ELAC2: variants seen among roughly 807,000 people sequenced by gnomAD.
ELAC2 encodes the protein elaC ribonuclease Z 2, also known as zinc phosphodiesterase ELAC protein 2.
A neutral mutation model predicts 105.2 loss-of-function variants in ELAC2; 92 were observed. The observed-to-expected ratio is 0.87, with a 90% CI of 0.74 to 1.04. The LOEUF is 1.04. Ranked by LOEUF, ELAC2 falls within the 50% of genes least tolerant of loss-of-function variation. ELAC2 has a pLI of 0.00. For synonymous variants in ELAC2, 468 were observed against 409.1 expected, an observed-to-expected ratio of 1.14 and a Z score of -1.74; for missense variants, 1,099 against 1,071.7, an observed-to-expected ratio of 1.03 and a Z score of -0.36.
Position 12,995,980 on chromosome 17 carries a change from TG to T in ELAC2, c.1660-3del. The T allele has an allele frequency of 6.3e-7, 1 of 1,594,116 alleles. No homozygotes were observed. The highest frequency in any genetic ancestry group is 1.3e-5 in the African/African-American group (1 of 74,644). On this transcript the variant is annotated splice_polypyrimidine_tract_variant and splice_region_variant and intron_variant, in intron 17 of 23. Coordinates refer to ENST00000338034, the MANE Select transcript of ELAC2 (RefSeq NM_018127.7). ...CTGCAGCAAGATACTTGGCAAGCCC[TG>T]GCAAGGAAACAGGAGACATGCGTCA...
At chr17:13,006,666 G>A (rs1055219182) in intron 8 of ELAC2, 15 of 153,212 alleles carry the variant, frequency 9.8e-5, no homozygotes, top group African/African-American at 3.4e-4. Flanking sequence ...TCACCAGAGC[G>A]TTGCCTAACA....
chr17:13,012,824 T>C (rs1486575509), intron 6 of ELAC2, among the ~76,000 whole-genome samples: 1 of 152,170 alleles, frequency 6.6e-6, no homozygotes, highest in Non-Finnish European at 1.5e-5. Flanking sequence ...AACACTTCTT[T>C]TAGGTTGCTG....
At chr17:13,011,330 T>C (rs2041399627) in intron 7 of ELAC2, among the ~76,000 whole-genome samples, 1 of 152,228 alleles carries the variant, frequency 6.6e-6, no homozygotes, top group Non-Finnish European at 1.5e-5. Context: ...TCCACATTAA[T>C]GGAAAATTTG....
chr17:13,002,143 A>G, intron 14 of ELAC2, 131 bp downstream of exon 14: 1 of 958,332 alleles, frequency 1.0e-6, no homozygotes, highest in Non-Finnish European at 1.6e-6. Flanking sequence ...TTGTGCTCAA[A>G]GCGGAGTTGA....
Position 13,017,188 on chromosome 17 carries a change from G to T in ELAC2, c.246-67C>A, listed in dbSNP as rs1210943165. ...TCTGTAAACTCTCTGACACCAATTA[G>T]ATGTTTTATTGTAGACTCTGGAAAA... is the stretch of plus-strand genomic sequence containing the variant. On this transcript the variant is annotated intron_variant, in intron 1 of 23. Coordinates refer to ENST00000338034, the MANE Select transcript of ELAC2 (RefSeq NM_018127.7). 10 of 1,346,254 alleles carry T rather than the reference G, an allele frequency of 7.4e-6. No homozygotes were observed. The African/African-American group carries it at 1.3e-4, about 18-fold the overall frequency. 83.4% of individuals were successfully genotyped at this position (1,346,254 alleles called of 1,614,324 possible).
Position 12,996,646 on chromosome 17 carries a change from T to A in ELAC2, c.1560A>T (p.Thr520=), listed in dbSNP as rs11545302. The A allele has an allele frequency of 5.0e-6, 8 of 1,613,446 alleles. No homozygotes were observed. The Admixed American group carries it at 1.3e-4, about 27-fold the overall frequency. Residue 520 remains threonine (T), a synonymous_variant, in exon 17 of 24, where the codon ACA becomes ACT. Coordinates refer to ENST00000338034, the MANE Select transcript of ELAC2 (RefSeq NM_018127.7). The part of the protein sequence containing the change: ...TSLLLDCGEG[T]FGQLCRHYGD... ...CGTAATGACGGCACAGCTGCCCAAATGTGCCCTCACCACAGTCCAGTAGCA... is the reference window on the plus strand; with the variant it reads ...CGTAATGACGGCACAGCTGCCCAAAAGTGCCCTCACCACAGTCCAGTAGCA...
At chr17:13,016,964 C>T (rs760671318) in intron 2 of ELAC2, 32 bp from the exon 3 acceptor site, 4 of 1,613,590 alleles carry the variant, frequency 2.5e-6, no homozygotes, top group Middle Eastern at 1.6e-4. Context: ...AACAGGATAA[C>T]ATGAACAGAA....
chr17:12,994,389 G>T (rs1388621144), intron 22 of ELAC2, 36 bp downstream of exon 22: 1 of 1,610,530 alleles, frequency 6.2e-7, no homozygotes, highest in Non-Finnish European at 8.5e-7. Flanking sequence ...GGGAGGGAGA[G>T]GATGTGGGCG....
At chr17:13,011,841 C>T (rs1239747399) in intron 6 of ELAC2, 59 bp from the exon 7 acceptor site, 6 of 1,613,108 alleles carry the variant, frequency 3.7e-6, no homozygotes, top group South Asian at 1.1e-5. Flanking sequence ...ACAGCCAAGG[C>T]CCAGACGTTC....
rs1488021926 is a variant in ELAC2 at position 12,992,009 on chromosome 17, T to G, written c.*809A>C. Among the ~76,000 whole-genome samples the G allele has an allele frequency of 6.6e-6, 1 of 152,188 alleles. No individual in the cohort carries two copies. Among genetic ancestry groups the G allele is most frequent in the Non-Finnish European group, 1.5e-5 (1 of 68,038 alleles). ...TCGAGGGCAAAGTGATCCTCACTCC[T>G]CTCAGTATGGAAGCAACAACACAGC... On this transcript the variant is annotated 3_prime_UTR_variant, in exon 24 of 24. Coordinates refer to ENST00000338034, the MANE Select transcript of ELAC2 (RefSeq NM_018127.7).
At chr17:13,009,656 A>G (rs1373650162) in intron 8 of ELAC2, among the ~76,000 whole-genome samples, 1 of 152,256 alleles carries the variant, frequency 6.6e-6, no homozygotes, top group Admixed American at 6.5e-5. Flanking sequence ...AGCTGCCTTC[A>G]ATAATTTCTG....
chr17:13,004,942 G>A, intron 11 of ELAC2, 47 bp downstream of exon 11: 1 of 1,414,730 alleles, frequency 7.1e-7, no homozygotes, highest in African/African-American at 1.4e-5. Flanking sequence ...TCGATGCTGG[G>A]CTGGGTTTCA....
intron 15 of ELAC2, 117 bp downstream of exon 15, chr17:13,000,039 G>T: frequency 1.1e-6 from 1 of 888,266 alleles, no homozygotes; most frequent in Non-Finnish European, 1.8e-6. Flanking sequence ...AGAAGCCCTG[G>T]ATTAGACTGA....
chr17:12,999,876 C>G (rs113555235), intron 15 of ELAC2, among the ~76,000 whole-genome samples: 165 of 152,296 alleles, frequency 1.1e-3, no homozygotes, highest in African/African-American at 3.6e-3. Context: ...CCAGGATGGT[C>G]TCGATCTCCC....
chr17:13,010,659 C>T lies in ELAC2; in HGVS notation c.692G>A (p.Arg231Lys), dbSNP rs1259675163. ...EPHLPHGVSQ[R>K]RGVRDSSLVV... is the part of the protein sequence containing the mutation. Reference sequence around the variant, plus strand: ...CAGGGAAGAGTCCCTGACCCCTCTTCTCTGGCTAACACCTGAGGAAAAACA... The same window carrying T: ...CAGGGAAGAGTCCCTGACCCCTCTTTTCTGGCTAACACCTGAGGAAAAACA... The change falls in exon 8 of 24, where the codon AGA becomes AAA. Residue 231 changes from arginine to lysine, a missense_variant. Coordinates refer to ENST00000338034, the MANE Select transcript of ELAC2 (RefSeq NM_018127.7). 3 of 1,614,140 alleles carry T rather than the reference C, an allele frequency of 1.9e-6. No homozygotes were observed. Among genetic ancestry groups the T allele is most frequent in the Admixed American group, 3.3e-5 (2 of 60,024 alleles).
rs1157458251 is a variant in ELAC2 at position 12,994,770 on chromosome 17, G to C, written c.2023C>G (p.Arg675Gly). The C allele has an allele frequency of 6.2e-7, 1 of 1,613,852 alleles. No homozygotes were observed. The highest frequency in any genetic ancestry group is 2.2e-5 in the East Asian group (1 of 44,872). Reference sequence around the variant, plus strand: ...TGCTTCTTCCTCTACTCACCCATCCGGACCAGAGCCTCGCAGGGCATGGTG... The same window carrying C: ...TGCTTCTTCCTCTACTCACCCATCCCGACCAGAGCCTCGCAGGGCATGGTG... ...GDTMPCEALVRMGKDATLLIH... is the reference protein window; with the variant it reads ...GDTMPCEALVGMGKDATLLIH... Residue 675 changes from arginine (R) to glycine (G), a missense_variant, in exon 21 of 24, where the codon CGG becomes GGG. Physicochemically the swap from Arg to Gly is moderately radical, Grantham distance 125. Transcript: ENST00000338034.
chr17:12,999,573 T>G (rs1247442001), intron 15 of ELAC2, among the ~76,000 whole-genome samples: 1 of 152,256 alleles, frequency 6.6e-6, no homozygotes, highest in African/African-American at 2.4e-5. Context: ...AGGTGTTCAC[T>G]AAAACGTTTC....
At chr17:13,009,787 G>C (rs929530672) in intron 8 of ELAC2, among the ~76,000 whole-genome samples, 1 of 152,088 alleles carries the variant, frequency 6.6e-6, no homozygotes, top group African/African-American at 2.4e-5. Flanking sequence ...GGTCAGGAGT[G>C]AAACCAGCCT....
chr17:13,017,755 C>T lies in ELAC2; in HGVS notation c.193G>A (p.Ala65Thr). 1 of 1,611,698 alleles carries T rather than the reference C, an allele frequency of 6.2e-7. No individual in the cohort carries two copies. The highest frequency in any genetic ancestry group is 1.1e-5 in the South Asian group (1 of 90,806). The change falls in exon 1 of 24, where the codon GCG (alanine) becomes ACG (threonine). Residue 65 changes from alanine (A) to threonine (T), a missense_variant. Transcript: ENST00000338034. Reference protein sequence around the residue: ...PNTVYLQVVAAGSRDSGAALY... With the variant: ...PNTVYLQVVATGSRDSGAALY... ...GCGGCGCCCGAGTCCCGGCTACCCGCTGCCACCACCTGCAGGTACACGGTG... is the reference window on the plus strand; with the variant it reads ...GCGGCGCCCGAGTCCCGGCTACCCGTTGCCACCACCTGCAGGTACACGGTG...
Sources: allele counts gnomAD v4.1 joint callset (sites outside exome capture counted in the v4.1 genomes callset), GRCh38; gene constraint gnomAD v4.1.1; transcripts MANE v1.5; gene names NCBI Gene and HGNC (gene_info 2026-07-23, HGNC 2026-07-21).